Variants in SHROOM1 observed in about 807,000 individuals in gnomAD.
The protein encoded by SHROOM1 is shroom family member 1.
In SHROOM1, 53 loss-of-function variants were observed where a neutral mutation model predicts 64.2. That is an observed-to-expected ratio of 0.83 (90% CI 0.66 to 1.04). SHROOM1 has a LOEUF of 1.04. SHROOM1 is among the 50% of genes least tolerant of loss of function. SHROOM1 has a pLI of 0.00. For missense variants in SHROOM1, 1,179 were observed against 1,163.2 expected, an observed-to-expected ratio of 1.01 and a Z score of -0.20; for synonymous variants, 490 against 518.9, an observed-to-expected ratio of 0.94 and a Z score of 0.76.
In SHROOM1 at chr5:132,822,767, G is replaced by GCGGTGCACCCCACCCTCTCCACCTATAA. The variant is rs1252651455; in HGVS notation, c.*1_*28dup. 2 of 1,541,054 alleles carry GCGGTGCACCCCACCCTCTCCACCTATAA rather than the reference G, an allele frequency of 1.3e-6. No homozygotes were observed. The highest frequency in any genetic ancestry group is 2.7e-5 in the African/African-American group (2 of 73,298). On this transcript the variant is annotated 3_prime_UTR_variant, in exon 10 of 10. Transcript: ENST00000378679. Reference sequence around the variant, plus strand: ...CCACTTACGTGGGTGAGAGATAGGGGCGGTGCACCCCACCCTCTCCACCTA... The same window carrying GCGGTGCACCCCACCCTCTCCACCTATAA: ...CCACTTACGTGGGTGAGAGATAGGGGCGGTGCACCCCACCCTCTCCACCTATAACGGTGCACCCCACCCTCTCCACCTA...
In SHROOM1 at chr5:132,825,196, C is replaced by T; in HGVS notation, c.945G>A (p.Trp315Ter). The T allele has an allele frequency of 6.2e-7, 1 of 1,614,164 alleles. No homozygotes were observed. The highest frequency in any genetic ancestry group is 1.1e-5 in the South Asian group (1 of 91,078). The stretch of plus-strand genomic sequence containing the variant: ...TGGGTATGGTCCCTCCTGATCCTCC[C>T]CAGGAACCCAAGACTTCGCCTGAAG... ...RSASGEVLGS[W>*]GGSGGTIPIV... is the part of the protein sequence containing the mutation. The change falls in exon 4 of 10, where the codon TGG becomes TGA. Residue 315 changes from tryptophan (W) to a stop codon, truncating the protein, a stop_gained. Coordinates refer to ENST00000378679, the MANE Select transcript of SHROOM1 (RefSeq NM_001172700.2). LOFTEE classifies it high-confidence loss of function. This position sits in a 1 kb window ranked among gnomAD's most constrained non-coding sequence, Gnocchi z 5.1.
rs1056419030 is a variant in SHROOM1, at chr5:132,822,487, C to G, written c.*309G>C. On this transcript the variant is annotated 3_prime_UTR_variant, in exon 10 of 10. Coordinates refer to ENST00000378679, the MANE Select transcript of SHROOM1 (RefSeq NM_001172700.2). ...CACGCCATTCTCCTGCCTCAGCCTTCCGAGTAGCTGGCAATACAGGCACCC... is the reference window on the plus strand; with the variant it reads ...CACGCCATTCTCCTGCCTCAGCCTTGCGAGTAGCTGGCAATACAGGCACCC... 1 of 242,146 alleles carries G rather than the reference C, an allele frequency of 4.1e-6. No homozygotes were observed. 15.0% of individuals were successfully genotyped at this position (242,146 alleles called of 1,614,324 possible).
chr5:132,824,891 G>A lies in SHROOM1; in HGVS notation c.1035-70C>T, dbSNP rs938129721. On this transcript the variant is annotated intron_variant, in intron 5 of 9. Transcript: ENST00000378679. ...CTCTTGGTGTTGCACCAGGGAGACA[G>A]TAGGGTATTTTCAAAATAACCAGAA... 1.0e-5 allele frequency: 16 copies of A among 1,600,768 alleles called. No individual in the cohort carries two copies. The South Asian group carries it at 1.7e-4, about 17-fold the overall frequency.
rs759449475 is a variant in SHROOM1, at chr5:132,825,317, C to T, written c.824G>A (p.Trp275Ter). Residue 275 changes from tryptophan to a stop codon, truncating the protein, a stop_gained, in exon 4 of 10, where the codon TGG becomes TAG. Coordinates refer to ENST00000378679, the MANE Select transcript of SHROOM1 (RefSeq NM_001172700.2). LOFTEE classifies it high-confidence loss of function. This position sits in a 1 kb window ranked among gnomAD's most constrained non-coding sequence, Gnocchi z 5.1. ...GCCTTGGGGTTGCGTCTCGGGCAGCCATCCGACCTCGTGATCTTCAAACTT... is the reference window on the plus strand; with the variant it reads ...GCCTTGGGGTTGCGTCTCGGGCAGCTATCCGACCTCGTGATCTTCAAACTT... ...LAKFEDHEVG[W>*]LPETQPQGSM... 1.2e-6 allele frequency: 2 copies of T among 1,609,216 alleles called. No individual in the cohort carries two copies. The highest frequency in any genetic ancestry group is 3.3e-5 in the Admixed American group (2 of 59,906).
Position 132,825,954 on chromosome 5 carries a change from C to G in SHROOM1, c.187G>C (p.Val63Leu). The G allele has an allele frequency of 2.7e-6, 4 of 1,454,852 alleles. No homozygotes were observed. Among genetic ancestry groups the G allele is most frequent in the Non-Finnish European group, 1.8e-6 (2 of 1,098,478 alleles). 90.1% of individuals were successfully genotyped at this position (1,454,852 alleles called of 1,614,324 possible). A position where few individuals can be genotyped will look rare whatever the true frequency, so the allele number is the denominator to read the frequency against. The change falls in exon 4 of 10, where the codon GTG (valine) becomes CTG (leucine). Residue 63 changes from valine (V) to leucine (L), a missense_variant. Physicochemically the swap from Val to Leu is conservative, Grantham distance 32. Transcript: ENST00000378679. This position sits in a 1 kb window ranked among gnomAD's most constrained non-coding sequence, Gnocchi z 5.1. ...CCCGGGCCGCCCCAAACCACACGCA[C>G]GTAGTCCCAGTCTAGGTAAGGAAGG... ...DLLPYLDWDY[V>L]RVVWGGPGPA...
rs760790999 is a variant in SHROOM1, at chr5:132,823,039, G to T, written c.2316C>A (p.Ala772=). Residue 772 remains alanine (A), a synonymous_variant, in exon 10 of 10, where the codon GCC becomes GCA. Coordinates refer to ENST00000378679, the MANE Select transcript of SHROOM1 (RefSeq NM_001172700.2). The surrounding 1 kb of genome is among the most constrained non-coding windows in gnomAD (Gnocchi z 4.6). ...GTGCTCGCACCAGCACCTCCCGCAC[G>T]GCCCGCTCGCGCCGCGCTACGTGCT... ...LKEHVARRER[A]VREVLVRALP... 6 of 1,599,178 alleles carry T rather than the reference G, an allele frequency of 3.8e-6. No individual in the cohort carries two copies. The East Asian group carries it at 1.3e-4, about 36-fold the overall frequency.
chr5:132,826,278 C>G lies in SHROOM1; in HGVS notation c.-44G>C, dbSNP rs1299157749. On this transcript the variant is annotated splice_region_variant and 5_prime_UTR_variant, in exon 3 of 10. Transcript: ENST00000378679. ...CACCACGGACGGCCAGACACTTACA[C>G]TTCCCCTCCCTGGTCACACCGTCAC... 2 of 1,251,528 alleles carry G rather than the reference C, an allele frequency of 1.6e-6. No homozygotes were observed. Among genetic ancestry groups the G allele is most frequent in the Non-Finnish European group, 1.0e-6 (1 of 999,490 alleles). The allele number at this position is 1,251,528 out of a possible 1,614,324, so 77.5% of individuals were successfully genotyped here.
Position 132,823,631 on chromosome 5 carries a change from C to T in SHROOM1, c.1945G>A (p.Gly649Ser), listed in dbSNP as rs138469438. The T allele has an allele frequency of 9.2e-5, 147 of 1,593,324 alleles. No homozygotes were observed. Among genetic ancestry groups the T allele is most frequent in the Middle Eastern group, 1.7e-4 (1 of 5,992 alleles). Residue 649 changes from glycine (G) to serine (S), a missense_variant, in exon 8 of 10, where the codon GGC becomes AGC. By Grantham distance (56) the Gly-to-Ser change is moderately conservative (BLOSUM62 0). Coordinates refer to ENST00000378679, the MANE Select transcript of SHROOM1 (RefSeq NM_001172700.2). This position sits in a 1 kb window ranked among gnomAD's most constrained non-coding sequence, Gnocchi z 4.6. Reference sequence around the variant, plus strand: ...AGCCCTTCTCCACTCACTTTCTTGCCCTGGATGCTGTTGTTTGGTGCAGGG... The same window carrying T: ...AGCCCTTCTCCACTCACTTTCTTGCTCTGGATGCTGTTGTTTGGTGCAGGG... ...GLPAPNNSIQ[G>S]KKVELAARLQ...
intron 5 of SHROOM1, 44 bp from the exon 6 acceptor site, chr5:132,824,865 G>A: frequency 6.2e-7 from 1 of 1,609,852 alleles, no homozygotes; most frequent in Non-Finnish European, 8.5e-7. Flanking sequence ...AAGGAAGGAA[G>A]CTCTTGGTGT....
Position 132,824,173 on chromosome 5 carries a change from C to A in SHROOM1, c.1488G>T (p.Glu496Asp). ...CTGGGACAGGTTTGAGGAGGTCACT[C>A]TCTGCAGCTGTGGGGGGATTGGTGG... ...GLTTNPPTAA[E>D]SDLLKPVPAD... The change falls in exon 7 of 10, where the codon GAG becomes GAT. Residue 496 changes from glutamate to aspartate, a missense_variant. Physicochemically the swap from Glu to Asp is conservative, Grantham distance 45 (BLOSUM62 2). Transcript: ENST00000378679. 6.2e-7 allele frequency: 1 copy of A among 1,614,238 alleles called. No individual in the cohort carries two copies.
At chr5:132,824,860 A>C in intron 5 of SHROOM1, 39 bp from the exon 6 acceptor site, 2 of 1,611,254 alleles carry the variant, frequency 1.2e-6, no homozygotes. Flanking sequence ...AGTGAAAGGA[A>C]GGAAGCTCTT....
At position 132,822,946 on chromosome 5, in the gene SHROOM1, C is replaced by G; in HGVS notation, c.2409G>C (p.Gln803His). 6.2e-7 allele frequency: 1 copy of G among 1,612,290 alleles called. No individual in the cohort carries two copies. The highest frequency in any genetic ancestry group is 1.3e-5 in the African/African-American group (1 of 75,060). The part of the protein sequence containing the change: ...LAGKAAVLAQ[Q>H]RNLDERIRLL... ...GGCGGATGCGCTCGTCCAGGTTGCG[C>G]TGCTGGGCCAGGACGGCGGCCTTGC... The change falls in exon 10 of 10, where the codon CAG becomes CAC. Residue 803 changes from glutamine (Q) to histidine (H), a missense_variant. Gln to His is a conservative substitution (Grantham distance 24). Coordinates refer to ENST00000378679, the MANE Select transcript of SHROOM1 (RefSeq NM_001172700.2).
Position 132,825,919 on chromosome 5 carries a change from C to G in SHROOM1, c.222G>C (p.Pro74=). The G allele has an allele frequency of 2.2e-6, 3 of 1,365,644 alleles. No individual in the cohort carries two copies. The highest frequency in any genetic ancestry group is 2.9e-6 in the Non-Finnish European group (3 of 1,052,406). 84.6% of individuals were successfully genotyped at this position (1,365,644 alleles called of 1,614,324 possible). A position where few individuals can be genotyped will look rare whatever the true frequency, so the allele number is the denominator to read the frequency against. The change falls in exon 4 of 10, where the codon CCG becomes CCC. Residue 74 remains proline (P), a synonymous_variant. Transcript: ENST00000378679. The surrounding 1 kb of genome is among the most constrained non-coding windows in gnomAD (Gnocchi z 5.1). ...RVVWGGPGPA[P]PDAALCTSPR... ...GGGATGTGCAAAGGGCAGCGTCGGG[C>G]GGGGCGGGGCCCGGGCCGCCCCAAA...
Position 132,824,564 on chromosome 5 carries a change from A to ATG in SHROOM1, c.1241+49_1241+50dup, listed in dbSNP as rs565939699. ...TTCCCACCCCTCTAGCGTTTTGTAGATGTGTGTGTCAGGGGGTGCCTCACG... is the reference window on the plus strand; with the variant it reads ...TTCCCACCCCTCTAGCGTTTTGTAGATGTGTGTGTGTCAGGGGGTGCCTCACG... On this transcript the variant is annotated intron_variant, in intron 6 of 9. Coordinates refer to ENST00000378679, the MANE Select transcript of SHROOM1 (RefSeq NM_001172700.2). The ATG allele has an allele frequency of 1.5e-5, 24 of 1,565,320 alleles. No homozygotes were observed. In the East Asian group the frequency reaches 5.0e-4, roughly 32 times the overall value.
In SHROOM1 at chr5:132,826,360, G is replaced by T; in HGVS notation, c.-126C>A. The T allele has an allele frequency of 2.7e-6, 3 of 1,092,764 alleles. No homozygotes were observed. The highest frequency in any genetic ancestry group is 2.3e-6 in the Non-Finnish European group (2 of 859,420). 67.7% of individuals were successfully genotyped at this position (1,092,764 alleles called of 1,614,324 possible). On this transcript the variant is annotated 5_prime_UTR_variant, in exon 3 of 10. Transcript: ENST00000378679. Reference sequence around the variant, plus strand: ...TCACCTTGGGATCAGAGGTGGCAGAGGAAGTAGGACCAGTCCCAGGGAGCA... The same window carrying T: ...TCACCTTGGGATCAGAGGTGGCAGATGAAGTAGGACCAGTCCCAGGGAGCA...
chr5:132,825,680 C>T lies in SHROOM1; in HGVS notation c.461G>A (p.Arg154Gln), dbSNP rs1758662697. 1.5e-6 allele frequency: 2 copies of T among 1,354,452 alleles called. No individual in the cohort carries two copies. Among genetic ancestry groups the T allele is most frequent in the Non-Finnish European group, 1.9e-6 (2 of 1,058,080 alleles). 83.9% of individuals were successfully genotyped at this position (1,354,452 alleles called of 1,614,324 possible). Residue 154 changes from arginine (R) to glutamine (Q), a missense_variant, in exon 4 of 10, where the codon CGG becomes CAG. Arg to Gln is a conservative substitution (Grantham distance 43). Transcript: ENST00000378679. This position sits in a 1 kb window ranked among gnomAD's most constrained non-coding sequence, Gnocchi z 5.1. ...RLQGAQRRVL[R>Q]ETSFQRKELR... ...CTCCTTGCGCTGGAACGACGTCTCC[C>T]GGAGCACTCGCCGCTGCGCGCCCTG...
At position 132,825,680 on chromosome 5, in the gene SHROOM1, C is replaced by G; in HGVS notation, c.461G>C (p.Arg154Pro). 1 of 1,354,560 alleles carries G rather than the reference C, an allele frequency of 7.4e-7. No individual in the cohort carries two copies. The highest frequency in any genetic ancestry group is 3.2e-5 in the Admixed American group (1 of 30,928). 83.9% of individuals were successfully genotyped at this position (1,354,560 alleles called of 1,614,324 possible). Residue 154 changes from arginine to proline, a missense_variant, in exon 4 of 10, where the codon CGG (arginine) becomes CCG (proline). Coordinates refer to ENST00000378679, the MANE Select transcript of SHROOM1 (RefSeq NM_001172700.2). The surrounding 1 kb of genome is among the most constrained non-coding windows in gnomAD (Gnocchi z 5.1). The part of the protein sequence containing the change: ...RLQGAQRRVL[R>P]ETSFQRKELR... ...CTCCTTGCGCTGGAACGACGTCTCCCGGAGCACTCGCCGCTGCGCGCCCTG... is the reference window on the plus strand; with the variant it reads ...CTCCTTGCGCTGGAACGACGTCTCCGGGAGCACTCGCCGCTGCGCGCCCTG...
rs1166338938 is a variant in SHROOM1, at chr5:132,825,979, G to A, written c.162C>T (p.Leu54=). 20 of 1,513,554 alleles carry A rather than the reference G, an allele frequency of 1.3e-5. No homozygotes were observed. The highest frequency in any genetic ancestry group is 1.7e-5 in the Non-Finnish European group (19 of 1,130,718). 93.8% of individuals were successfully genotyped at this position (1,513,554 alleles called of 1,614,324 possible). Reference sequence around the variant, plus strand: ...CGTAGTCCCAGTCTAGGTAAGGAAGGAGGTCTGTCCCCGGCGACTGCGTGC... The same window carrying A: ...CGTAGTCCCAGTCTAGGTAAGGAAGAAGGTCTGTCCCCGGCGACTGCGTGC... The part of the protein sequence containing the change: ...EPRTQSPGTD[L]LPYLDWDYVR... Residue 54 remains leucine, a synonymous_variant, in exon 4 of 10, where the codon CTC becomes CTT. Coordinates refer to ENST00000378679, the MANE Select transcript of SHROOM1 (RefSeq NM_001172700.2). This position sits in a 1 kb window ranked among gnomAD's most constrained non-coding sequence, Gnocchi z 5.1.
chr5:132,823,002 C>T lies in SHROOM1; in HGVS notation c.2353G>A (p.Glu785Lys), dbSNP rs2150025333. The T allele has an allele frequency of 1.2e-6, 2 of 1,605,666 alleles. No homozygotes were observed. Among genetic ancestry groups the T allele is most frequent in the African/African-American group, 1.3e-5 (1 of 75,050 alleles). Reference protein sequence around the residue: ...EVLVRALPVEELRVYCALLAG... With the variant: ...EVLVRALPVEKLRVYCALLAG... ...AGCAGGGCGCAATAGACGCGCAGCT[C>T]CTCCACCGGTAGTGCTCGCACCAGC... is the stretch of plus-strand genomic sequence containing the variant. The change falls in exon 10 of 10, where the codon GAG becomes AAG. Residue 785 changes from glutamate to lysine, a missense_variant. Coordinates refer to ENST00000378679, the MANE Select transcript of SHROOM1 (RefSeq NM_001172700.2). The surrounding 1 kb of genome is among the most constrained non-coding windows in gnomAD (Gnocchi z 4.6).
Sources: gnomAD v4.1 joint callset for allele counts on GRCh38, gnomAD v4.1.1 for gene constraint, Gnocchi (gnomAD v3.1) non-coding constraint, MANE v1.5 for transcripts, NCBI Gene and HGNC (gene_info 2026-07-23, HGNC 2026-07-21) for gene names.